The following JMJD1C variants were observed in gnomAD, a reference collection of about 807,000 sequenced individuals.
JMJD1C encodes the protein jumonji domain-containing protein 1C.
JMJD1C carries 31 observed loss-of-function variants against 245.3 expected under a neutral mutation model. The ratio of observed to expected loss-of-function variants is 0.13; its 90% CI spans 0.09 to 0.17. The LOEUF is 0.17. Among genes scored for constraint, JMJD1C ranks in the 10% least tolerant of loss-of-function variants. The probability of loss-of-function intolerance (pLI) is 1.00; values close to 1 mark genes in which losing one functional copy is unlikely to be tolerated. For synonymous variants in JMJD1C, 1,057 were observed against 1,017.4 expected (o/e 1.04, Z -0.74); for missense variants, 2,691 against 3,000.2 (o/e 0.90, Z 2.41).
At chr10:63,370,753 A>G (rs1322466320) in intron 2 of JMJD1C, among the ~76,000 whole-genome samples, 3 of 152,260 alleles carry the variant, frequency 2.0e-5, no homozygotes, top group Non-Finnish European at 2.9e-5. Flanking sequence ...CTGCAATAGC[A>G]AAACACAAAT....
chr10:63,188,016 C>T (rs1321545686), intron 18 of JMJD1C, among the ~76,000 whole-genome samples: 1 of 152,108 alleles, frequency 6.6e-6, no homozygotes, highest in East Asian at 1.9e-4. Context: ...TCCCAAAACA[C>T]CTAATGTTCT....
At chr10:63,377,733 T>C (rs1946864453) in intron 2 of JMJD1C, among the ~76,000 whole-genome samples, 1 of 151,278 alleles carries the variant, frequency 6.6e-6, no homozygotes, top group South Asian at 2.1e-4. Context: ...AGACTCCGTC[T>C]CAAAAAAAAA....
chr10:63,279,877 A>C (rs921673793), intron 2 of JMJD1C, among the ~76,000 whole-genome samples: 1 of 152,176 alleles, frequency 6.6e-6, no homozygotes, highest in African/African-American at 2.4e-5. Flanking sequence ...TAGGCTGGAC[A>C]CGGTGGCTCA....
chr10:63,454,975 C>T (rs929687960), intron 1 of JMJD1C, among the ~76,000 whole-genome samples: 2 of 152,042 alleles, frequency 1.3e-5, no homozygotes, highest in Non-Finnish European at 2.9e-5. Flanking sequence ...TGTATTGTAT[C>T]GCAACACCTA....
intron 1 of JMJD1C, among the ~76,000 whole-genome samples, chr10:63,385,034 A>G (rs1947480112): frequency 6.6e-6 from 1 of 152,138 alleles, no homozygotes; most frequent in African/African-American, 2.4e-5. Flanking sequence ...AGGCAACTAT[A>G]GGATTATTAA....
intron 1 of JMJD1C, among the ~76,000 whole-genome samples, chr10:63,517,368 T>A (rs1955052863): frequency 6.6e-6 from 1 of 152,294 alleles, no homozygotes; most frequent in South Asian, 2.1e-4. Context: ...ACAGTCTAAT[T>A]ACCCTTAGAT....
At chr10:63,459,906 TCA>T (rs1044505913) in intron 1 of JMJD1C, among the ~76,000 whole-genome samples, 107 of 152,284 alleles carry the variant, frequency 7.0e-4, no homozygotes, top group African/African-American at 2.4e-3. Context: ...GTTTGGTCAG[TCA>T]CATTTTTTCC....
rs1484288606 is a variant in JMJD1C, at chr10:63,402,187, A to G, written c.169-21705T>C. Among the ~76,000 whole-genome samples the G allele has an allele frequency of 2.0e-5, 3 of 152,086 alleles. No homozygotes were observed. In the East Asian group the frequency reaches 5.8e-4, roughly 29 times the overall value. ...TGGGCAGGGGATTGTTTTCAAAAGC[A>G]AACATACAAAGGGCTAAAAAATGGT... On this transcript the variant is annotated intron_variant, in intron 1 of 25. Transcript: ENST00000399262.
At chr10:63,288,546 C>A (rs7080386) in intron 2 of JMJD1C, among the ~76,000 whole-genome samples, 58,138 of 151,994 alleles carry the variant, frequency 0.38, 11,478 homozygotes, top group South Asian at 0.5. Flanking sequence ...CTAATCTGTT[C>A]ATGTCTTTTG....
At position 63,413,987 on chromosome 10, in the gene JMJD1C, T is replaced by TG. The variant is rs199621073; in HGVS notation, c.169-33506_169-33505insC. ...TTCTTAAAAGTATGCTATCAATACT[T>TG]TTTTTTTTTTTTTTTTTGACACGGA... On this transcript the variant is annotated intron_variant, in intron 1 of 25. Transcript: ENST00000399262. 9.1e-3 allele frequency among the ~76,000 whole-genome samples: 1,327 copies of TG among 145,386 alleles called. 17 individuals are homozygous for TG. The highest frequency in any genetic ancestry group is 0.03 in the African/African-American group (1,211 of 40,152).
rs1464287991 is a variant in JMJD1C, at chr10:63,188,067, A to T, written c.6570+1101T>A. On this transcript the variant is annotated intron_variant, in intron 18 of 25. Transcript: ENST00000399262. The stretch of plus-strand genomic sequence containing the variant: ...TCTTGTCCACCTAGCAAAAAACTTC[A>T]CTTAACCTCTAAGGAATCAATTTAG... Among the ~76,000 whole-genome samples the T allele has an allele frequency of 2.0e-5, 3 of 152,166 alleles. No individual in the cohort carries two copies. The South Asian group carries it at 6.2e-4, about 32-fold the overall frequency.
At chr10:63,271,937 T>C (rs1416094787) in intron 2 of JMJD1C, among the ~76,000 whole-genome samples, 1 of 151,700 alleles carries the variant, frequency 6.6e-6, no homozygotes, top group Non-Finnish European at 1.5e-5. Flanking sequence ...AGCCAGGGCA[T>C]GGTGGCGTAC....
chr10:63,178,210 G>C (rs975776351), intron 22 of JMJD1C, among the ~76,000 whole-genome samples: 1 of 152,116 alleles, frequency 6.6e-6, no homozygotes, highest in African/African-American at 2.4e-5. Context: ...CAAAGTGCTA[G>C]GATTACAGGC....
At chr10:63,345,954 A>C (rs1220554145) in intron 2 of JMJD1C, among the ~76,000 whole-genome samples, 1 of 152,204 alleles carries the variant, frequency 6.6e-6, no homozygotes, top group Non-Finnish European at 1.5e-5. Context: ...CCCAACTCTT[A>C]ACCGTGGTTA....
chr10:63,258,610 C>T (rs1854288553), intron 3 of JMJD1C, among the ~76,000 whole-genome samples: 1 of 152,164 alleles, frequency 6.6e-6, no homozygotes, highest in Non-Finnish European at 1.5e-5. Flanking sequence ...ACCATTACCA[C>T]CGCCACCACC....
At chr10:63,234,182 C>T (rs1850363836) in intron 3 of JMJD1C, among the ~76,000 whole-genome samples, 1 of 150,086 alleles carries the variant, frequency 6.7e-6, no homozygotes, top group African/African-American at 2.4e-5. Context: ...TACGAGAAGT[C>T]TAGCATGGGT....
At chr10:63,411,315 T>C (rs898972217) in intron 1 of JMJD1C, among the ~76,000 whole-genome samples, 152 of 146,542 alleles carry the variant, frequency 1.0e-3, no homozygotes, top group African/African-American at 3.8e-3. Flanking sequence ...TTTTTTTTTT[T>C]TGAGACGGAG....
intron 4 of JMJD1C, 150 bp from the exon 5 acceptor site, chr10:63,217,481 A>C: frequency 1.7e-6 from 1 of 588,344 alleles, no homozygotes. Flanking sequence ...ATATCCTTTC[A>C]AATGAATCAT....
At chr10:63,307,022 TTTAA>T (rs1322018067) in intron 2 of JMJD1C, among the ~76,000 whole-genome samples, 3 of 152,198 alleles carry the variant, frequency 2.0e-5, no homozygotes, top group Non-Finnish European at 2.9e-5. Context: ...ACGTAAGTAA[TTTAA>T]TTAAAAACCA....
Sources: allele counts gnomAD v4.1 joint callset (sites outside exome capture counted in the v4.1 genomes callset), GRCh38; gene constraint gnomAD v4.1.1; transcripts MANE v1.5; gene names NCBI Gene and HGNC (gene_info 2026-07-23, HGNC 2026-07-21).